Variants in CDKL2 observed in about 807,000 individuals in gnomAD.
CDKL2 encodes the protein cyclin dependent kinase like 2.
In CDKL2, 64 loss-of-function variants were observed where a neutral mutation model predicts 63.9. That is an observed-to-expected ratio of 1.00 (90% CI 0.82 to 1.23). The LOEUF (loss-of-function observed/expected upper bound fraction) is 1.23, where lower values mean the gene tolerates loss of function less well. CDKL2 is among the 50% of genes most tolerant of loss of function. The probability of loss-of-function intolerance (pLI) is 0.00; values close to 1 mark genes in which losing one functional copy is unlikely to be tolerated. For synonymous variants in CDKL2, 211 were observed against 229.2 expected (o/e 0.92, Z 0.72); for missense variants, 656 against 668.0 (o/e 0.98, Z 0.20).
intron 1 of CDKL2, among the ~76,000 whole-genome samples, chr4:75,626,585 T>G (rs962016286): frequency 6.7e-6 from 1 of 150,132 alleles, no homozygotes; most frequent in African/African-American, 2.5e-5. Context: ...GAGAATGGCG[T>G]GAACCCGGGA....
intron 6 of CDKL2, among the ~76,000 whole-genome samples, chr4:75,602,661 A>C (rs1444542191): frequency 6.6e-6 from 1 of 152,100 alleles, no homozygotes; most frequent in Non-Finnish European, 1.5e-5. Context: ...AGCTGGGATT[A>C]CAGACATGCA....
In CDKL2 at chr4:75,595,203, C is replaced by CTT. The variant is rs71203830; in HGVS notation, c.1416+1042_1416+1043dup. Among the ~76,000 whole-genome samples the CTT allele has an allele frequency of 5.9e-3, 799 of 135,270 alleles. 8 individuals are homozygous for CTT. The highest frequency in any genetic ancestry group is 0.015 in the African/African-American group (570 of 37,082). 88.7% of individuals were successfully genotyped at this position (135,270 alleles called of 152,430 possible). On this transcript the variant is annotated intron_variant, in intron 10 of 13. Transcript: ENST00000307465. Reference sequence around the variant, plus strand: ...AAATAAATAGAATCGTTTCTTTCTTCTTTTTTTTTTTTTTTTGAGACAGGG... The same window carrying CTT: ...AAATAAATAGAATCGTTTCTTTCTTCTTTTTTTTTTTTTTTTTTGAGACAGGG...
rs1729470257 is a variant in CDKL2, at chr4:75,607,432, GCA to G, written c.364-73_364-72del. 6.8e-6 allele frequency: 8 copies of G among 1,183,632 alleles called. No homozygotes were observed. In the South Asian group the frequency reaches 1.1e-4, roughly 16 times the overall value. The allele number at this position is 1,183,632 out of a possible 1,614,324, so 73.3% of individuals were successfully genotyped here. On this transcript the variant is annotated intron_variant, in intron 3 of 13. Coordinates refer to ENST00000307465, the MANE Select transcript of CDKL2 (RefSeq NM_001330724.2). The stretch of plus-strand genomic sequence containing the variant: ...TTTTGGGGCACCTGCTATGTGCAGG[GCA>G]TTGTATGTTGTCCCTATAAAGAATA...
chr4:75,593,576 T>C (rs1728796958), intron 10 of CDKL2, among the ~76,000 whole-genome samples: 1 of 152,276 alleles, frequency 6.6e-6, no homozygotes, highest in African/African-American at 2.4e-5. Flanking sequence ...TCAGCCAGCA[T>C]TGATTATGCA....
chr4:75,605,309 C>T (rs1388380117), intron 5 of CDKL2, among the ~76,000 whole-genome samples: 2 of 151,980 alleles, frequency 1.3e-5, no homozygotes, highest in Non-Finnish European at 2.9e-5. Context: ...GCCGAGATTG[C>T]GCCATTGCAC....
chr4:75,577,348 T>C lies in CDKL2; in HGVS notation c.*1854A>G, dbSNP rs1728066488. On this transcript the variant is annotated 3_prime_UTR_variant, in exon 14 of 14. Coordinates refer to ENST00000307465, the MANE Select transcript of CDKL2 (RefSeq NM_001330724.2). ...ATCACTGAAACCAATTTGCAGAATC[T>C]TTTTCTAGTAGTTCTGCCACAGTTC... 6.6e-6 allele frequency among the ~76,000 whole-genome samples: 1 copy of C among 152,178 alleles called. No homozygotes were observed. The highest frequency in any genetic ancestry group is 2.4e-5 in the African/African-American group (1 of 41,460).
chr4:75,592,146 C>G lies in CDKL2; in HGVS notation c.1540G>C (p.Ala514Pro). 3 of 1,531,818 alleles carry G rather than the reference C, an allele frequency of 2.0e-6. No homozygotes were observed. Among genetic ancestry groups the G allele is most frequent in the Non-Finnish European group, 2.6e-6 (3 of 1,145,670 alleles). 94.9% of individuals were successfully genotyped at this position (1,531,818 alleles called of 1,614,324 possible). ...LPELRALGGI[A>P]RNSRLTKKES... ...CAAAGTAAAAGCATTATCAACACAC[C>G]TATGCCTCCCAGTGCTCTTAGTTCA... The change falls in exon 11 of 14, where the codon GCT (alanine) becomes CCT (proline). Residue 514 changes from alanine (A) to proline (P), a missense_variant and splice_region_variant. Physicochemically the swap from Ala to Pro is conservative, Grantham distance 27. Coordinates refer to ENST00000307465, the MANE Select transcript of CDKL2 (RefSeq NM_001330724.2).
intron 3 of CDKL2, 68 bp from the exon 4 acceptor site, chr4:75,607,429 AG>A: frequency 1.6e-6 from 2 of 1,238,520 alleles, no homozygotes; most frequent in Non-Finnish European, 1.1e-6. Flanking sequence ...TGCTATGTGC[AG>A]GGCATTGTAT....
chr4:75,587,416 T>C (rs1008275891), intron 12 of CDKL2, among the ~76,000 whole-genome samples: 2 of 152,128 alleles, frequency 1.3e-5, no homozygotes, highest in Admixed American at 6.5e-5. Context: ...ATTGTGCCAC[T>C]GTACTCCAGT....
At position 75,600,368 on chromosome 4, in the gene CDKL2, T is replaced by C. The variant is rs367981423; in HGVS notation, c.797A>G (p.Lys266Arg). The C allele has an allele frequency of 4.4e-6, 7 of 1,598,774 alleles. No individual in the cohort carries two copies. In the African/African-American group the frequency reaches 9.4e-5, roughly 21 times the overall value. The change falls in exon 7 of 14, where the codon AAA becomes AGA. Residue 266 changes from lysine to arginine, a missense_variant and splice_region_variant. Coordinates refer to ENST00000307465, the MANE Select transcript of CDKL2 (RefSeq NM_001330724.2). ...TTTGTCGGGGTCAATATGTAAGCAT[T>C]TCTGAAAAATTAAGAACACTTAGAG... ...LSEVVIDLAK[K>R]CLHIDPDKRP...
chr4:75,584,653 A>G (rs1249902842), intron 12 of CDKL2, among the ~76,000 whole-genome samples: 1 of 152,156 alleles, frequency 6.6e-6, no homozygotes, highest in African/African-American at 2.4e-5. Context: ...ACCAAGCCCT[A>G]AATATACAGT....
chr4:75,617,534 A>G (rs925904426), intron 2 of CDKL2, among the ~76,000 whole-genome samples: 2 of 152,306 alleles, frequency 1.3e-5, no homozygotes, highest in Middle Eastern at 6.8e-3. Context: ...CAAACCAACA[A>G]AAATGCCCCA....
At chr4:75,590,317 GGCAAA>G (rs1728663350) in intron 12 of CDKL2, among the ~76,000 whole-genome samples, 1 of 152,226 alleles carries the variant, frequency 6.6e-6, no homozygotes, top group African/African-American at 2.4e-5. Flanking sequence ...CAAGAGATAA[GGCAAA>G]GCAATCACGG....
intron 12 of CDKL2, among the ~76,000 whole-genome samples, chr4:75,588,718 C>T (rs1464381701): frequency 6.6e-6 from 1 of 152,050 alleles, no homozygotes; most frequent in Non-Finnish European, 1.5e-5. Context: ...AACAATGACT[C>T]CCCCCAAATC....
At chr4:75,598,392 C>A (rs1729035585) in intron 7 of CDKL2, among the ~76,000 whole-genome samples, 180 bp from the exon 8 acceptor site, 1 of 126,226 alleles carries the variant, frequency 7.9e-6, no homozygotes, top group Admixed American at 7.7e-5. Context: ...CTTTGGGGAT[C>A]CCTAAGAACA....
At chr4:75,604,892 T>C (rs1277004474) in intron 5 of CDKL2, among the ~76,000 whole-genome samples, 4 of 152,172 alleles carry the variant, frequency 2.6e-5, no homozygotes, top group African/African-American at 9.6e-5. Flanking sequence ...TCCCAGCATT[T>C]TGGGAGGCCG....
intron 8 of CDKL2, 21 bp from the exon 9 acceptor site, chr4:75,597,257 T>C: frequency 7.0e-7 from 1 of 1,432,976 alleles, no homozygotes; most frequent in Non-Finnish European, 9.7e-7. Flanking sequence ...ACAAAAATAT[T>C]AATAAGGTTA....
chr4:75,586,016 G>A (rs888407406), intron 12 of CDKL2, among the ~76,000 whole-genome samples: 17 of 152,118 alleles, frequency 1.1e-4, no homozygotes, highest in East Asian at 1.9e-4. Context: ...AAGATAGACC[G>A]TAGACCATAA....
intron 2 of CDKL2, among the ~76,000 whole-genome samples, 155 bp from the exon 3 acceptor site, chr4:75,614,604 A>G (rs560178168): frequency 4.1e-4 from 63 of 152,298 alleles, no homozygotes; most frequent in African/African-American, 1.4e-3. Flanking sequence ...TTGTAAAAGC[A>G]TATTCTGGTT....
Sources: gnomAD v4.1 joint callset for allele counts (sites outside exome capture counted in the v4.1 genomes callset) on GRCh38, gnomAD v4.1.1 for gene constraint, MANE v1.5 for transcripts, NCBI Gene and HGNC (gene_info 2026-07-23, HGNC 2026-07-21) for gene names.